CAPN3: variants seen among roughly 807,000 people sequenced by gnomAD.
CAPN3 encodes calpain-3.
In CAPN3, 88 loss-of-function variants were observed where a neutral mutation model predicts 114.0. That is an observed-to-expected ratio of 0.77 (90% CI 0.65 to 0.92). The LOEUF is 0.92. Ranked by LOEUF, CAPN3 falls within the 40% of genes least tolerant of loss-of-function variation. CAPN3 has a pLI of 0.00. For missense variants in CAPN3, 1,028 were observed against 1,069.0 expected (o/e 0.96, Z 0.53); for synonymous variants, 386 against 382.9 (o/e 1.01, Z -0.09).
At chr15:42,406,337 C>A (rs2054020780) in intron 15 of CAPN3, among the ~76,000 whole-genome samples, 1 of 152,130 alleles carries the variant, frequency 6.6e-6, no homozygotes, top group Admixed American at 6.5e-5. Flanking sequence ...TCCTGAACCA[C>A]AAGAGGCCAT....
At position 42,359,702 on chromosome 15, in the gene CAPN3, G is replaced by C. The variant is rs149698681; in HGVS notation, c.-104G>C. 27,155 of 1,585,770 alleles carry C rather than the reference G, an allele frequency of 0.017. 277 individuals are homozygous for C. Among genetic ancestry groups the C allele is most frequent in the Non-Finnish European group, 0.02 (23,593 of 1,168,568 alleles). ...ACTGGATGTGGACACTTTTCTCTCA[G>C]ATGACAGAATTACTCCAACTTCCCC... On this transcript the variant is annotated 5_prime_UTR_variant, in exon 1 of 24. Transcript: ENST00000397163.
At chr15:42,378,497 C>T (rs2053151140) in intron 1 of CAPN3, among the ~76,000 whole-genome samples, 1 of 149,470 alleles carries the variant, frequency 6.7e-6, no homozygotes, top group Admixed American at 6.7e-5. Context: ...AAAGTGATAA[C>T]CTCTCCTTCA....
chr15:42,409,663 C>G (rs2054143892), intron 17 of CAPN3, 124 bp from the exon 18 acceptor site: 6 of 963,004 alleles, frequency 6.2e-6, no homozygotes, highest in Non-Finnish European at 1.0e-5. Flanking sequence ...CCCCAGCTTC[C>G]CATGACATAA....
Position 42,359,504 on chromosome 15 carries a change from C to G in CAPN3, c.-302C>G. On this transcript the variant is annotated 5_prime_UTR_variant, in exon 1 of 24. Coordinates refer to ENST00000397163, the MANE Select transcript of CAPN3 (RefSeq NM_000070.3). ...AGGCCACTGAAACACAACCCTCACT[C>G]TCTTTCTCTCTCCCTCTGGCATGCA... 4 of 1,251,750 alleles carry G rather than the reference C, an allele frequency of 3.2e-6. No homozygotes were observed. Among genetic ancestry groups the G allele is most frequent in the Non-Finnish European group, 4.0e-6 (4 of 990,566 alleles). The allele number at this position is 1,251,750 out of a possible 1,614,324, so 77.5% of individuals were successfully genotyped here.
At chr15:42,387,225 C>T (rs28364406) in intron 3 of CAPN3, among the ~76,000 whole-genome samples, 2,214 of 152,308 alleles carry the variant, frequency 0.015, 34 homozygotes, top group Middle Eastern at 0.031. Flanking sequence ...CAAAAAAGAG[C>T]GACATCCAAA....
At chr15:42,410,105 C>T in intron 19 of CAPN3, 110 bp downstream of exon 19, 1 of 962,018 alleles carries the variant, frequency 1.0e-6, no homozygotes, top group South Asian at 1.3e-5. Context: ...CCCAGGGAAA[C>T]TTAAGGAGAC....
At chr15:42,387,681 G>GA in intron 3 of CAPN3, 72 bp from the exon 4 acceptor site, 1 of 1,572,694 alleles carries the variant, frequency 6.4e-7, no homozygotes, top group Non-Finnish European at 8.8e-7. Context: ...ACCCCCTGAG[G>GA]AATGTGGAGG....
intron 10 of CAPN3, among the ~76,000 whole-genome samples, 168 bp downstream of exon 10, chr15:42,399,820 A>T (rs2053815670): frequency 6.6e-6 from 1 of 152,186 alleles, no homozygotes. Context: ...TGCAATAGGG[A>T]GCTGGTAGCA....
At chr15:42,411,647 G>C in intron 23 of CAPN3, 100 bp from the exon 24 acceptor site, 1 of 741,832 alleles carries the variant, frequency 1.3e-6, no homozygotes, top group South Asian at 1.4e-5. Flanking sequence ...CTGACCTGCT[G>C]GGACTGTTCC....
intron 1 of CAPN3, among the ~76,000 whole-genome samples, chr15:42,376,764 G>A (rs961440680): frequency 6.6e-6 from 1 of 152,126 alleles, no homozygotes; most frequent in African/African-American, 2.4e-5. Flanking sequence ...AGAGAAAGGA[G>A]ATATGTGTGT....
intron 6 of CAPN3, 100 bp downstream of exon 6, chr15:42,390,196 C>T (rs1349833520): frequency 1.5e-6 from 2 of 1,337,894 alleles, no homozygotes; most frequent in African/African-American, 2.9e-5. Context: ...GCCTTACCCA[C>T]ACACCCCCAC....
At position 42,380,718 on chromosome 15, in the gene CAPN3, C is replaced by T. The variant is rs1473161589; in HGVS notation, c.310-3765C>T. Among the ~76,000 whole-genome samples the T allele has an allele frequency of 2.9e-5, 4 of 138,442 alleles. No homozygotes were observed. The East Asian group carries it at 8.2e-4, about 28-fold the overall frequency. The allele number at this position is 138,442 out of a possible 152,430, so 90.8% of individuals were successfully genotyped here. ...CACAGTTCAAACGGGGTCTCTCCCC[C>T]CACCTTCCCCATATATATATATATA... On this transcript the variant is annotated intron_variant, in intron 1 of 23. Coordinates refer to ENST00000397163, the MANE Select transcript of CAPN3 (RefSeq NM_000070.3).
At chr15:42,408,749 T>C in intron 16 of CAPN3, 1 of 341,854 alleles carries the variant, frequency 2.9e-6, no homozygotes, top group East Asian at 7.6e-5. Flanking sequence ...GGGAGGGTGT[T>C]AGATTGGAGT....
At chr15:42,408,467 T>G (rs2054094522) in intron 16 of CAPN3, 143 bp downstream of exon 16, 1 of 659,382 alleles carries the variant, frequency 1.5e-6, no homozygotes, top group African/African-American at 1.8e-5. Context: ...ACCTTTTCTT[T>G]CAGCAAGTTC....
At chr15:42,382,648 T>C (rs1267581980) in intron 1 of CAPN3, among the ~76,000 whole-genome samples, 1 of 152,118 alleles carries the variant, frequency 6.6e-6, no homozygotes, top group African/African-American at 2.4e-5. Context: ...GGATTACAGG[T>C]GTAGGCCACC....
At chr15:42,364,289 A>G (rs2052724317) in intron 1 of CAPN3, among the ~76,000 whole-genome samples, 1 of 152,208 alleles carries the variant, frequency 6.6e-6, no homozygotes, top group Admixed American at 6.5e-5. Context: ...AAATGGAGAA[A>G]AACCATAATT....
In CAPN3 at chr15:42,410,889, C is replaced by T. The variant is rs148246325; in HGVS notation, c.2269C>T (p.His757Tyr). ...MRNAVNDAGFHLNNQLYDIIT... is the reference protein window; with the variant it reads ...MRNAVNDAGFYLNNQLYDIIT... ...TAACATGGTCCCCTCCACAGGATTC[C>T]ACCTCAACAACCAGCTCTATGACAT... Residue 757 changes from histidine (H) to tyrosine (Y), a missense_variant, in exon 22 of 24, where the codon CAC (histidine) becomes TAC (tyrosine). By Grantham distance (83) the His-to-Tyr change is moderately conservative. Transcript: ENST00000397163. 124 of 1,613,392 alleles carry T rather than the reference C, an allele frequency of 7.7e-5. No individual in the cohort carries two copies. In the East Asian group the frequency reaches 2.6e-3, roughly 34 times the overall value.
chr15:42,409,743 T>C, intron 17 of CAPN3, 44 bp from the exon 18 acceptor site: 1 of 1,542,802 alleles, frequency 6.5e-7, no homozygotes, highest in Non-Finnish European at 9.0e-7. Context: ...CGCCAGGAGC[T>C]GCTGTACTCC....
chr15:42,399,030 C>A (rs2053789248), intron 9 of CAPN3, among the ~76,000 whole-genome samples: 2 of 152,078 alleles, frequency 1.3e-5, no homozygotes, highest in Admixed American at 1.3e-4. Flanking sequence ...GGTGATCCAC[C>A]TGCCTCAGCC....
Sources: gnomAD v4.1 joint callset for allele counts (sites outside exome capture counted in the v4.1 genomes callset) on GRCh38, gnomAD v4.1.1 for gene constraint, MANE v1.5 for transcripts, NCBI Gene and HGNC (gene_info 2026-07-23, HGNC 2026-07-21) for gene names.